Variants in GRM8 observed in about 807,000 individuals in gnomAD.
GRM8 encodes the protein metabotropic glutamate receptor 8.
Under a neutral mutation model 87.2 loss-of-function variants are expected in GRM8, and 47 were observed. That is an observed-to-expected ratio of 0.54 (90% CI 0.43 to 0.69). The LOEUF (loss-of-function observed/expected upper bound fraction) is 0.69, where lower values mean the gene tolerates loss of function less well. Ranked by LOEUF, GRM8 falls within the 30% of genes least tolerant of loss-of-function variation. The pLI is 0.00. For missense variants in GRM8, 1,019 were observed against 1,139.2 expected (o/e 0.89, Z 1.52); for synonymous variants, 396 against 404.5 (o/e 0.98, Z 0.25).
At chr7:126,663,496 A>C (rs1327639818) in intron 7 of GRM8, among the ~76,000 whole-genome samples, 1 of 152,232 alleles carries the variant, frequency 6.6e-6, no homozygotes, top group Non-Finnish European at 1.5e-5. Flanking sequence ...ACATATGCAA[A>C]TCAATAAATG....
rs181379968 is a variant in GRM8, at chr7:126,713,862, T to C, written c.1357+56003A>G. ...ATATGTATATCTAATCATCACATTGTACACATTGTACACCTTGAATATATT... is the reference window on the plus strand; with the variant it reads ...ATATGTATATCTAATCATCACATTGCACACATTGTACACCTTGAATATATT... On this transcript the variant is annotated intron_variant, in intron 7 of 10. Coordinates refer to ENST00000339582, the MANE Select transcript of GRM8 (RefSeq NM_000845.3). 3.3e-5 allele frequency among the ~76,000 whole-genome samples: 5 copies of C among 152,200 alleles called. No individual in the cohort carries two copies. The East Asian group carries it at 9.7e-4, about 29-fold the overall frequency.
At chr7:126,666,567 C>A (rs77940926) in intron 7 of GRM8, among the ~76,000 whole-genome samples, 2,495 of 152,174 alleles carry the variant, frequency 0.016, 86 homozygotes, top group African/African-American at 0.057. Context: ...AATCCTACTG[C>A]GTCCAGCATG....
intron 7 of GRM8, among the ~76,000 whole-genome samples, chr7:126,710,162 A>T (rs1056300477): frequency 7.1e-4 from 108 of 152,228 alleles, no homozygotes; most frequent in Non-Finnish European, 8.8e-4. Flanking sequence ...GCTAATTATC[A>T]TCTGAGGCTT....
chr7:126,552,086 T>A (rs756147039), intron 8 of GRM8, among the ~76,000 whole-genome samples: 35 of 152,138 alleles, frequency 2.3e-4, no homozygotes, highest in Non-Finnish European at 4.1e-4. Context: ...CATTCTTCCA[T>A]TCCTAGCTGT....
intron 6 of GRM8, among the ~76,000 whole-genome samples, chr7:126,862,352 T>C (rs574449449): frequency 3.6e-4 from 55 of 152,144 alleles, no homozygotes; most frequent in African/African-American, 1.3e-3. Context: ...ATGGCTATTA[T>C]TGCTACTTTG....
chr7:126,961,547 G>A (rs1324985625), intron 3 of GRM8, among the ~76,000 whole-genome samples: 1 of 152,200 alleles, frequency 6.6e-6, no homozygotes, highest in African/African-American at 2.4e-5. Flanking sequence ...AGCACCATGG[G>A]ATCCTACTAT....
intron 9 of GRM8, among the ~76,000 whole-genome samples, chr7:126,454,032 G>A (rs1802942222): frequency 6.6e-6 from 1 of 151,636 alleles, no homozygotes; most frequent in South Asian, 2.1e-4. Flanking sequence ...CAGCAATGGG[G>A]ATGTCTTTAA....
At chr7:126,875,279 GA>G (rs545284156) in intron 6 of GRM8, among the ~76,000 whole-genome samples, 1,915 of 141,202 alleles carry the variant, frequency 0.014, 29 homozygotes, top group African/African-American at 0.043. Context: ...ATCAAAGAAG[GA>G]AAAAAAAAAA....
At chr7:127,087,846 A>G (rs1410448193) in intron 3 of GRM8, among the ~76,000 whole-genome samples, 1 of 152,216 alleles carries the variant, frequency 6.6e-6, no homozygotes, top group Non-Finnish European at 1.5e-5. Flanking sequence ...AGTCTCACCT[A>G]TCACATATAC....
At chr7:126,747,874 A>C (rs923192620) in intron 7 of GRM8, among the ~76,000 whole-genome samples, 3 of 152,056 alleles carry the variant, frequency 2.0e-5, no homozygotes, top group African/African-American at 7.2e-5. Context: ...CTCGGTATTT[A>C]TTATTCCTGT....
intron 6 of GRM8, among the ~76,000 whole-genome samples, chr7:126,870,684 C>T (rs1244379561): frequency 6.6e-6 from 1 of 152,076 alleles, no homozygotes; most frequent in East Asian, 1.9e-4. Context: ...TTCGTAGTGC[C>T]CCCAAACAAT....
intron 7 of GRM8, among the ~76,000 whole-genome samples, chr7:126,692,689 A>G (rs922894096): frequency 1.3e-5 from 2 of 152,168 alleles, no homozygotes; most frequent in Non-Finnish European, 2.9e-5. Flanking sequence ...GTAGTTATAC[A>G]CTGTTCTGAC....
intron 3 of GRM8, among the ~76,000 whole-genome samples, chr7:127,060,512 T>TA (rs1820499883): frequency 6.6e-6 from 1 of 152,104 alleles, no homozygotes; most frequent in Non-Finnish European, 1.5e-5. Context: ...AGAAACAAGA[T>TA]ACAATATGAA....
chr7:126,674,624 G>C (rs187257113), intron 7 of GRM8, among the ~76,000 whole-genome samples: 21 of 152,044 alleles, frequency 1.4e-4, no homozygotes, highest in African/African-American at 4.8e-4. Context: ...AATGAAATAA[G>C]TATAATAAAG....
At chr7:127,221,422 CTT>C (rs1260311086) in intron 2 of GRM8, among the ~76,000 whole-genome samples, 1 of 152,118 alleles carries the variant, frequency 6.6e-6, no homozygotes. Flanking sequence ...GAGAACCACT[CTT>C]GGGTGATATA....
chr7:126,932,933 T>C (rs573497937), intron 3 of GRM8, among the ~76,000 whole-genome samples: 29 of 152,174 alleles, frequency 1.9e-4, no homozygotes, highest in African/African-American at 6.5e-4. Context: ...AGATCTCAGG[T>C]TGTGGAGTTA....
chr7:126,570,975 T>A (rs1210606587), intron 8 of GRM8, among the ~76,000 whole-genome samples: 2 of 152,208 alleles, frequency 1.3e-5, no homozygotes, highest in African/African-American at 4.8e-5. Context: ...AATCTAATTG[T>A]CTGCATAACC....
intron 8 of GRM8, among the ~76,000 whole-genome samples, chr7:126,593,006 C>T (rs926967492): frequency 2.6e-5 from 4 of 151,702 alleles, no homozygotes; most frequent in African/African-American, 9.7e-5. Flanking sequence ...AAAGTGATCC[C>T]CTTTATATAA....
chr7:126,653,264 C>T (rs1219432129), intron 7 of GRM8, among the ~76,000 whole-genome samples: 2 of 144,738 alleles, frequency 1.4e-5, no homozygotes, highest in Non-Finnish European at 3.0e-5. Context: ...ATTGCCACTG[C>T]ACTCCATCCT....
Sources: allele counts gnomAD v4.1 joint callset (sites outside exome capture counted in the v4.1 genomes callset), GRCh38; gene constraint gnomAD v4.1.1; transcripts MANE v1.5; gene names NCBI Gene and HGNC (gene_info 2026-07-23, HGNC 2026-07-21).